The following SPAG16 variants were observed in gnomAD, a reference collection of about 807,000 sequenced individuals.
SPAG16 encodes the protein sperm-associated antigen 16 protein.
A neutral mutation model predicts 80.4 loss-of-function variants in SPAG16; 86 were observed. The observed-to-expected ratio is 1.07, with a 90% CI of 0.90 to 1.28. SPAG16 has a LOEUF of 1.28. Among genes scored for constraint, SPAG16 ranks in the 50% most tolerant of loss-of-function variants. The pLI, the probability that SPAG16 is intolerant of heterozygous loss-of-function variation, is 0.00. For missense variants in SPAG16, 870 were observed against 765.3 expected (o/e 1.14, Z -1.61); for synonymous variants, 294 against 265.9 (o/e 1.11, Z -1.03).
Position 213,640,984 on chromosome 2 carries a change from TA to T in SPAG16, c.1070+150895del, listed in dbSNP as rs534003570. Reference sequence around the variant, plus strand: ...GTATTTGGGTTTCTCTGGTAATGGATAGGGCTATAGAGCTTCCAAGAGTTTG... The same window carrying T: ...GTATTTGGGTTTCTCTGGTAATGGATGGGCTATAGAGCTTCCAAGAGTTTG... On this transcript the variant is annotated intron_variant, in intron 10 of 15. Transcript: ENST00000331683. Among the ~76,000 whole-genome samples, 268 of 152,250 alleles carry T rather than the reference TA, an allele frequency of 1.8e-3. 1 individual carries two copies. The highest frequency in any genetic ancestry group is 6.2e-3 in the African/African-American group (259 of 41,554).
At chr2:213,815,390 TA>T (rs1160574707) in intron 10 of SPAG16, among the ~76,000 whole-genome samples, 3 of 152,188 alleles carry the variant, frequency 2.0e-5, no homozygotes, top group Non-Finnish European at 4.4e-5. Flanking sequence ...ACTATGATTC[TA>T]GGGTAGTTAC....
chr2:213,657,508 G>T (rs1027893615), intron 10 of SPAG16, among the ~76,000 whole-genome samples: 2 of 152,080 alleles, frequency 1.3e-5, no homozygotes, highest in African/African-American at 4.8e-5. Flanking sequence ...ATCAAATAAA[G>T]GATAAATGAT....
At chr2:213,562,131 C>A (rs751095802) in intron 10 of SPAG16, among the ~76,000 whole-genome samples, 23 of 152,180 alleles carry the variant, frequency 1.5e-4, no homozygotes, top group Admixed American at 6.5e-4. Flanking sequence ...TATTCAGAAT[C>A]ATTTTCTGCA....
At chr2:213,879,078 A>T (rs2076247721) in intron 11 of SPAG16, among the ~76,000 whole-genome samples, 1 of 152,076 alleles carries the variant, frequency 6.6e-6, no homozygotes, top group Admixed American at 6.6e-5. Flanking sequence ...GAGGTCAGGT[A>T]ATGTGATGCC....
chr2:213,920,099 G>A (rs2078143673), intron 11 of SPAG16, among the ~76,000 whole-genome samples: 1 of 152,088 alleles, frequency 6.6e-6, no homozygotes, highest in African/African-American at 2.4e-5. Flanking sequence ...AATTAGGATA[G>A]TAACCCCTGC....
At chr2:213,759,261 T>C (rs2068514790) in intron 10 of SPAG16, among the ~76,000 whole-genome samples, 1 of 152,118 alleles carries the variant, frequency 6.6e-6, no homozygotes, top group South Asian at 2.1e-4. Context: ...TAGAAAATTA[T>C]AAAAGCTTAT....
At chr2:213,306,115 T>TC (rs1343282802) in intron 3 of SPAG16, among the ~76,000 whole-genome samples, 5 of 152,022 alleles carry the variant, frequency 3.3e-5, no homozygotes, top group African/African-American at 1.2e-4. Context: ...GCTTTCCAAT[T>TC]TACTGGCACG....
chr2:214,016,552 C>T (rs188362281), intron 13 of SPAG16, among the ~76,000 whole-genome samples: 1 of 152,210 alleles, frequency 6.6e-6, no homozygotes, highest in African/African-American at 2.4e-5. Flanking sequence ...AACAGTTTGG[C>T]TGTGAAGATG....
chr2:214,029,263 GC>G (rs1215788817), intron 13 of SPAG16, among the ~76,000 whole-genome samples: 1 of 152,004 alleles, frequency 6.6e-6, no homozygotes, highest in Non-Finnish European at 1.5e-5. Flanking sequence ...TGAGGATCAA[GC>G]AAGGAGCAGC....
At chr2:214,028,606 T>G (rs1169226051) in intron 13 of SPAG16, among the ~76,000 whole-genome samples, 1 of 152,104 alleles carries the variant, frequency 6.6e-6, no homozygotes, top group Non-Finnish European at 1.5e-5. Context: ...TAATTTTACA[T>G]GCATTTGATA....
At chr2:213,766,501 G>A (rs577486704) in intron 10 of SPAG16, among the ~76,000 whole-genome samples, 15 of 152,336 alleles carry the variant, frequency 9.8e-5, no homozygotes, top group African/African-American at 3.6e-4. Context: ...GTGTCAGGGA[G>A]CTGATGAAAG....
At chr2:214,403,589 A>G (rs1574525524) in intron 15 of SPAG16, among the ~76,000 whole-genome samples, 1 of 152,116 alleles carries the variant, frequency 6.6e-6, no homozygotes, top group African/African-American at 2.4e-5. Flanking sequence ...AGCTGCTATA[A>G]TGGATATTAC....
At chr2:213,380,434 A>T (rs1197948922) in intron 9 of SPAG16, among the ~76,000 whole-genome samples, 1 of 152,178 alleles carries the variant, frequency 6.6e-6, no homozygotes, top group East Asian at 1.9e-4. Flanking sequence ...GGTGACAGGA[A>T]TGGAGACCAT....
intron 10 of SPAG16, among the ~76,000 whole-genome samples, chr2:213,555,355 A>G (rs1013624780): frequency 1.6e-4 from 25 of 152,132 alleles, no homozygotes; most frequent in African/African-American, 6.0e-4. Context: ...CTTCCGACAC[A>G]CTGTTCTCAT....
intron 15 of SPAG16, among the ~76,000 whole-genome samples, chr2:214,236,184 T>A (rs1303099782): frequency 2.6e-5 from 4 of 152,176 alleles, no homozygotes. Flanking sequence ...TACTTGTAAT[T>A]GAAGCTCAAT....
chr2:213,422,604 A>G, intron 9 of SPAG16: 2 of 359,384 alleles, frequency 5.6e-6, no homozygotes, highest in South Asian at 1.1e-4. Context: ...TTCTGGCTGG[A>G]AAAGTGACAC....
At chr2:214,364,698 T>C (rs578070583) in intron 15 of SPAG16, among the ~76,000 whole-genome samples, 171 of 152,288 alleles carry the variant, frequency 1.1e-3, no homozygotes, top group Non-Finnish European at 1.7e-3. Flanking sequence ...CAGCATTTTC[T>C]AAGAGTGCCC....
intron 10 of SPAG16, among the ~76,000 whole-genome samples, chr2:213,648,696 AC>A (rs2062915612): frequency 6.6e-6 from 1 of 152,086 alleles, no homozygotes; most frequent in Admixed American, 6.6e-5. Flanking sequence ...AACAAAGGAG[AC>A]TTGGCTAAAG....
chr2:213,820,449 A>T (rs1403193304), intron 10 of SPAG16, among the ~76,000 whole-genome samples: 4 of 152,090 alleles, frequency 2.6e-5, no homozygotes, highest in African/African-American at 9.7e-5. Flanking sequence ...CAAGTATTCA[A>T]ATTAGGACTG....
Sources: allele counts gnomAD v4.1 joint callset (sites outside exome capture counted in the v4.1 genomes callset), GRCh38; gene constraint gnomAD v4.1.1; transcripts MANE v1.5; gene names NCBI Gene and HGNC (gene_info 2026-07-23, HGNC 2026-07-21).